Variants in ABCA12 observed in about 807,000 individuals in gnomAD.
ABCA12 encodes the protein ATP binding cassette subfamily A member 12.
A neutral mutation model predicts 293.5 loss-of-function variants in ABCA12; 156 were observed. The ratio of observed to expected loss-of-function variants is 0.53; its 90% CI spans 0.47 to 0.61. ABCA12 has a LOEUF of 0.61. ABCA12 is among the 20% of genes least tolerant of loss of function. ABCA12 has a pLI of 0.00. For missense variants in ABCA12, 2,797 were observed against 3,090.2 expected (o/e 0.91, Z 2.25); for synonymous variants, 1,063 against 1,108.0 (o/e 0.96, Z 0.81).
intron 1 of ABCA12, among the ~76,000 whole-genome samples, chr2:215,114,061 G>A (rs1575053278): frequency 6.6e-6 from 1 of 152,096 alleles, no homozygotes; most frequent in African/African-American, 2.4e-5. Context: ...TGCAACCTCC[G>A]CCTCCTAGGT....
chr2:215,031,761 T>C, intron 9 of ABCA12, 60 bp downstream of exon 9: 3 of 1,595,980 alleles, frequency 1.9e-6, no homozygotes, highest in Non-Finnish European at 1.7e-6. Context: ...TGTTTAGAAA[T>C]TGTTTTGATT....
In ABCA12 at chr2:215,037,056, C is replaced by A. The variant is rs1701009703; in HGVS notation, c.882G>T (p.Leu294=). The A allele has an allele frequency of 1.2e-6, 2 of 1,613,730 alleles. No individual in the cohort carries two copies. The highest frequency in any genetic ancestry group is 4.5e-5 in the East Asian group (2 of 44,852). Residue 294 remains leucine (L), a synonymous_variant, in exon 8 of 53, where the codon CTG becomes CTT. Coordinates refer to ENST00000272895, the MANE Select transcript of ABCA12 (RefSeq NM_173076.3). ...DVLRKANSVL[L]VVQKVYPRFA... ...AACGTGGATAAACCTTCTGCACAAC[C>A]AGCAGCACACTAAGGAGTCAAAAAG...
At position 215,111,476 on chromosome 2, in the gene ABCA12, T is replaced by C. The variant is rs2061865775; in HGVS notation, c.163+121A>G. 7.3e-6 allele frequency: 5 copies of C among 685,534 alleles called. No homozygotes were observed. In the Admixed American group the frequency reaches 1.3e-4, roughly 18 times the overall value. The allele number at this position is 685,534 out of a possible 1,614,324, so 42.5% of individuals were successfully genotyped here. On this transcript the variant is annotated intron_variant, in intron 2 of 52. Coordinates refer to ENST00000272895, the MANE Select transcript of ABCA12 (RefSeq NM_173076.3). ...AAAACACACAAATTGTTCATATTAA[T>C]CCTTCCAAGTGAAAACACTATACAA...
rs1343181960 is a variant in ABCA12, at chr2:215,134,425, T to TGC, written c.69+3714_69+3715insGC. On this transcript the variant is annotated intron_variant, in intron 1 of 52. Coordinates refer to ENST00000272895, the MANE Select transcript of ABCA12 (RefSeq NM_173076.3). ...GTATATATGTATATATGTACATATA[T>TGC]GTATATGTGTATATATACGTATATA... Among the ~76,000 whole-genome samples, 548 of 144,160 alleles carry TGC rather than the reference T, an allele frequency of 3.8e-3. 26 individuals carry two copies. Among genetic ancestry groups the TGC allele is most frequent in the Non-Finnish European group, 4.1e-3 (273 of 66,620 alleles). 94.6% of individuals were successfully genotyped at this position (144,160 alleles called of 152,430 possible).
intron 20 of ABCA12, among the ~76,000 whole-genome samples, chr2:215,003,450 C>T (rs1276059467): frequency 6.6e-6 from 1 of 152,054 alleles, no homozygotes; most frequent in Admixed American, 6.6e-5. Context: ...TTTGCTAACT[C>T]TATATCTCTT....
chr2:215,046,348 T>G lies in ABCA12; in HGVS notation c.694-333A>C, dbSNP rs564718042. Among the ~76,000 whole-genome samples the G allele has an allele frequency of 5.3e-5, 8 of 151,132 alleles. No individual in the cohort carries two copies. In the East Asian group the frequency reaches 9.7e-4, roughly 18 times the overall value. ...AGCTCTGAGTAATGTTTTTTTTTCT[T>G]AGGACTTGGTTTAGGGTTGCAGATA... On this transcript the variant is annotated intron_variant, in intron 6 of 52. Coordinates refer to ENST00000272895, the MANE Select transcript of ABCA12 (RefSeq NM_173076.3).
chr2:214,934,346 TAAC>T (rs1389832972), intron 51 of ABCA12, 131 bp from the exon 52 acceptor site: 1 of 1,037,844 alleles, frequency 9.6e-7, no homozygotes, highest in Non-Finnish European at 1.5e-6. Context: ...ACAGTATAAA[TAAC>T]GAGTATATTT....
At chr2:215,015,867 G>A (rs531775219) in intron 14 of ABCA12, among the ~76,000 whole-genome samples, 20 of 152,290 alleles carry the variant, frequency 1.3e-4, no homozygotes, top group Non-Finnish European at 2.4e-4. Context: ...ATGGGAGGCC[G>A]GGCGCGGTGG....
chr2:214,985,572 C>T (rs1699767133), intron 28 of ABCA12, among the ~76,000 whole-genome samples: 1 of 152,154 alleles, frequency 6.6e-6, no homozygotes, highest in African/African-American at 2.4e-5. Context: ...AAAAAAAAAT[C>T]TGGCCTTTTT....
chr2:214,966,854 G>C lies in ABCA12; in HGVS notation c.5878C>G (p.Arg1960Gly), dbSNP rs769753487. The C allele has an allele frequency of 6.2e-7, 1 of 1,613,476 alleles. No individual in the cohort carries two copies. The highest frequency in any genetic ancestry group is 1.1e-5 in the South Asian group (1 of 91,068). ...RVNMSKYDAA[R>G]HGIIMYSHPY... ...TTTGTGTTAGTAACTTTACCATGTC[G>C]GGCAGCATCGTATTTTGACATGTTA... The change falls in exon 39 of 53, where the codon CGA becomes GGA. Residue 1960 changes from arginine (R) to glycine (G), a missense_variant. Physicochemically the swap from Arg to Gly is moderately radical, Grantham distance 125. This residue lies in a region of ABCA12 where 2,130 missense variants were observed against 2,427.0 expected (regional missense o/e 0.88). Transcript: ENST00000272895.
chr2:214,958,290 A>G lies in ABCA12; in HGVS notation c.6104T>C (p.Phe2035Ser). Residue 2035 changes from phenylalanine to serine, a missense_variant, in exon 41 of 53, where the codon TTC (phenylalanine) becomes TCC (serine). Physicochemically the swap from Phe to Ser is radical, Grantham distance 155 (BLOSUM62 -2). Around this residue, in one of 3 missense-constraint regions of ABCA12, gnomAD observed 2,130 missense variants for 2,427.0 expected, o/e 0.88. Transcript: ENST00000272895. ...TAAGTTACTCACCATGTCATAAATGAAGTTTGTTACCCAGTAGCATGTCAC... is the reference window on the plus strand; with the variant it reads ...TAAGTTACTCACCATGTCATAAATGGAGTTTGTTACCCAGTAGCATGTCAC... ...IGVTCYWVTNFIYDMVFYLVP... is the reference protein window; with the variant it reads ...IGVTCYWVTNSIYDMVFYLVP... The G allele has an allele frequency of 6.2e-7, 1 of 1,613,990 alleles. No individual in the cohort carries two copies. Among genetic ancestry groups the G allele is most frequent in the Non-Finnish European group, 8.5e-7 (1 of 1,179,842 alleles).
In ABCA12 at chr2:215,017,865, G is replaced by A. The variant is rs1158472290; in HGVS notation, c.1782+143C>T. 51 of 1,115,096 alleles carry A rather than the reference G, an allele frequency of 4.6e-5. 1 individual carries two copies. Among genetic ancestry groups the A allele is most frequent in the Non-Finnish European group, 2.6e-6 (2 of 772,568 alleles). The allele number at this position is 1,115,096 out of a possible 1,614,324, so 69.1% of individuals were successfully genotyped here. A position where few individuals can be genotyped will look rare whatever the true frequency, so the allele number is the denominator to read the frequency against. ...GAATTTTTCTTCTATCTTTAATGAG[G>A]CCTCCAGGTTTATCACTTGCATAGA... On this transcript the variant is annotated intron_variant, in intron 14 of 52. Transcript: ENST00000272895.
chr2:215,122,427 CT>C (rs778208522), intron 1 of ABCA12, among the ~76,000 whole-genome samples: 21 of 152,162 alleles, frequency 1.4e-4, no homozygotes, highest in Non-Finnish European at 2.6e-4. Flanking sequence ...GGGCTTAATC[CT>C]AAATTGTTTT....
At chr2:215,055,454 G>A (rs758494071) in intron 3 of ABCA12, among the ~76,000 whole-genome samples, 11 of 151,986 alleles carry the variant, frequency 7.2e-5, no homozygotes, top group Non-Finnish European at 8.8e-5. Flanking sequence ...CTAAAAGCTC[G>A]TGCCTAAAAT....
At chr2:215,033,885 G>A (rs1700933926) in intron 8 of ABCA12, among the ~76,000 whole-genome samples, 1 of 149,450 alleles carries the variant, frequency 6.7e-6, no homozygotes, top group Non-Finnish European at 1.5e-5. Context: ...AGCTTGCAGT[G>A]AGCCGAGATC....
Position 215,093,770 on chromosome 2 carries a change from G to T in ABCA12, c.163+17827C>A, listed in dbSNP as rs151188356. On this transcript the variant is annotated intron_variant, in intron 2 of 52. Coordinates refer to ENST00000272895, the MANE Select transcript of ABCA12 (RefSeq NM_173076.3). ...GCTCCTTCAGCTGTACTCACTCTTT[G>T]TTGAGTCTCCCACAATTACCATTGT... is the stretch of plus-strand genomic sequence containing the variant. Among the ~76,000 whole-genome samples the T allele has an allele frequency of 8.2e-3, 1,252 of 152,126 alleles. 22 individuals carry two copies. The highest frequency in any genetic ancestry group is 0.029 in the African/African-American group (1,207 of 41,492).
intron 7 of ABCA12, among the ~76,000 whole-genome samples, chr2:215,039,216 A>G (rs1024008060): frequency 6.6e-6 from 1 of 152,136 alleles, no homozygotes; most frequent in African/African-American, 2.4e-5. Context: ...GTTGGTTTAT[A>G]TACAACATAC....
chr2:215,039,650 G>T (rs1283096238), intron 7 of ABCA12, among the ~76,000 whole-genome samples: 2 of 152,060 alleles, frequency 1.3e-5, no homozygotes, highest in Non-Finnish European at 2.9e-5. Flanking sequence ...AGCTACTTGG[G>T]AGGCTGAGGT....
chr2:214,997,659 G>A lies in ABCA12; in HGVS notation c.3294+36C>T, dbSNP rs1980844. The A allele has an allele frequency of 0.87, 1,239,020 of 1,426,320 alleles. 549,142 individuals carry two copies. Among genetic ancestry groups the A allele is most frequent in the East Asian group, 0.95 (41,690 of 43,872 alleles). 88.4% of individuals were successfully genotyped at this position (1,426,320 alleles called of 1,614,324 possible). On this transcript the variant is annotated intron_variant, in intron 23 of 52. Coordinates refer to ENST00000272895, the MANE Select transcript of ABCA12 (RefSeq NM_173076.3). ...AATCATAGTAATTGTTCTATGAACAGGACTTATTCATAACAAGAAGTGATT... is the reference window on the plus strand; with the variant it reads ...AATCATAGTAATTGTTCTATGAACAAGACTTATTCATAACAAGAAGTGATT...
Sources: gnomAD v4.1 joint callset for allele counts (sites outside exome capture counted in the v4.1 genomes callset) on GRCh38, gnomAD v4.1.1 for gene constraint, gnomAD v4.1.1 regional missense constraint, MANE v1.5 for transcripts, NCBI Gene and HGNC (gene_info 2026-07-23, HGNC 2026-07-21) for gene names.